Variants in KIF3C observed in about 807,000 individuals in gnomAD.
KIF3C encodes the protein kinesin-like protein KIF3C.
KIF3C carries 12 observed loss-of-function variants against 67.7 expected under a neutral mutation model. The ratio of observed to expected loss-of-function variants is 0.18; its 90% confidence interval spans 0.11 to 0.29. The LOEUF (loss-of-function observed/expected upper bound fraction) is 0.29, where lower values mean the gene tolerates loss of function less well. Among genes scored for constraint, KIF3C ranks in the 10% least tolerant of loss-of-function variants. The probability of loss-of-function intolerance (pLI) is 1.00; values close to 1 mark genes in which losing one functional copy is unlikely to be tolerated. For missense variants in KIF3C, 789 were observed against 1,059.6 expected, an observed-to-expected ratio of 0.74 and a Z score of 3.55; for synonymous variants, 393 against 426.2, an observed-to-expected ratio of 0.92 and a Z score of 0.96.
intron 5 of KIF3C, among the ~76,000 whole-genome samples, chr2:25,949,034 G>A (rs1663523005): frequency 6.6e-6 from 1 of 152,052 alleles, no homozygotes; most frequent in African/African-American, 2.4e-5. Context: ...AAAGGACATT[G>A]GCAAATTTTA....
At position 25,980,989 on chromosome 2, in the gene KIF3C, T is replaced by C. The variant is rs758486147; in HGVS notation, c.929A>G (p.Asn310Ser). The change falls in exon 1 of 8, where the codon AAC becomes AGC. Residue 310 changes from asparagine to serine, a missense_variant. Transcript: ENST00000264712. This position sits in a 1 kb window ranked among gnomAD's most constrained non-coding sequence, Gnocchi z 7.6. ...LGNVIAALAGNRSTHIPYRDS... is the reference protein window; with the variant it reads ...LGNVIAALAGSRSTHIPYRDS... ...CCGGTAGGGAATGTGGGTGCTCCTGTTGCCCGCCAGGGCAGCAATCACGTT... is the reference window on the plus strand; with the variant it reads ...CCGGTAGGGAATGTGGGTGCTCCTGCTGCCCGCCAGGGCAGCAATCACGTT... 1 of 1,614,196 alleles carries C rather than the reference T, an allele frequency of 6.2e-7. No individual in the cohort carries two copies. Among genetic ancestry groups the C allele is most frequent in the Non-Finnish European group, 8.5e-7 (1 of 1,180,020 alleles).
chr2:25,953,619 C>T (rs977135022), intron 4 of KIF3C, among the ~76,000 whole-genome samples: 1 of 150,934 alleles, frequency 6.6e-6, no homozygotes, highest in Non-Finnish European at 1.5e-5. Flanking sequence ...CTCAGCCTCC[C>T]AAAGTGCTGG....
chr2:25,954,990 C>T (rs924113880), intron 3 of KIF3C, among the ~76,000 whole-genome samples: 11 of 152,194 alleles, frequency 7.2e-5, no homozygotes, highest in Non-Finnish European at 1.5e-4. Context: ...TCACCCACCC[C>T]GAAGGGCCTC....
chr2:25,939,321 T>C (rs770587979), intron 5 of KIF3C, among the ~76,000 whole-genome samples: 8 of 152,178 alleles, frequency 5.3e-5, no homozygotes, highest in Non-Finnish European at 1.2e-4. Context: ...TGTTTCCTTC[T>C]AGTTCCTTCC....
chr2:25,953,676 T>G (rs968184051), intron 4 of KIF3C, among the ~76,000 whole-genome samples: 6 of 85,182 alleles, frequency 7.0e-5, no homozygotes, highest in Admixed American at 3.4e-4. Flanking sequence ...GTTTTTGTTT[T>G]TTTTTTTTTT....
At chr2:25,949,420 C>CAA (rs200179980) in intron 5 of KIF3C, among the ~76,000 whole-genome samples, 2 of 148,296 alleles carry the variant, frequency 1.3e-5, no homozygotes, top group Middle Eastern at 3.2e-3. Flanking sequence ...CAAAAAATAC[C>CAA]AAAAAAAAAG....
chr2:25,972,583 G>A (rs904624143), intron 1 of KIF3C, among the ~76,000 whole-genome samples: 1 of 152,156 alleles, frequency 6.6e-6, no homozygotes, highest in Non-Finnish European at 1.5e-5. Context: ...ACAGGACTCA[G>A]CTGATCACAC....
At chr2:25,938,346 A>G in intron 5 of KIF3C, 1 of 392,330 alleles carries the variant, frequency 2.5e-6, no homozygotes, top group Non-Finnish European at 5.0e-6. Context: ...CGACAGAGTG[A>G]GTCTGAGTCT....
At chr2:25,944,582 C>T (rs1663378307) in intron 5 of KIF3C, among the ~76,000 whole-genome samples, 4 of 151,978 alleles carry the variant, frequency 2.6e-5, no homozygotes, top group Admixed American at 2.6e-4. Flanking sequence ...AATGCCTAGG[C>T]TCAAGCCATC....
chr2:25,963,721 C>T (rs557060301), intron 1 of KIF3C, among the ~76,000 whole-genome samples: 1 of 149,598 alleles, frequency 6.7e-6, no homozygotes, highest in Admixed American at 6.7e-5. Flanking sequence ...GAGACAGAGT[C>T]TCACTTCGTT....
intron 5 of KIF3C, among the ~76,000 whole-genome samples, chr2:25,936,031 G>C (rs992818585): frequency 6.6e-6 from 1 of 151,416 alleles, no homozygotes; most frequent in Non-Finnish European, 1.5e-5. Flanking sequence ...AGGTTGTAGT[G>C]AGCCAACATC....
intron 1 of KIF3C, 45 bp from the exon 2 acceptor site, chr2:25,956,489 A>G: frequency 7.0e-7 from 1 of 1,435,952 alleles, no homozygotes; most frequent in East Asian, 2.3e-5. Context: ...CAAAGGGTCC[A>G]CAACATTGCT....
At chr2:25,971,271 C>CAA (rs35420433) in intron 1 of KIF3C, among the ~76,000 whole-genome samples, 17 of 59,174 alleles carry the variant, frequency 2.9e-4, no homozygotes, top group East Asian at 5.9e-4. Context: ...GACTCTGTCT[C>CAA]AAAAAAAAAA....
At chr2:25,952,961 C>T (rs1663663749) in intron 4 of KIF3C, among the ~76,000 whole-genome samples, 1 of 152,044 alleles carries the variant, frequency 6.6e-6, no homozygotes, top group Non-Finnish European at 1.5e-5. Flanking sequence ...GTTCACATTG[C>T]ACACCTGTAT....
chr2:25,931,140 T>G (rs1349548390), intron 5 of KIF3C, among the ~76,000 whole-genome samples: 1 of 152,162 alleles, frequency 6.6e-6, no homozygotes, highest in Non-Finnish European at 1.5e-5. Context: ...AGCTGCAGTT[T>G]CAGGCATCCA....
chr2:25,970,854 G>T (rs1025066233), intron 1 of KIF3C, among the ~76,000 whole-genome samples: 1 of 150,964 alleles, frequency 6.6e-6, no homozygotes, highest in South Asian at 2.1e-4. Flanking sequence ...GGCAGGGCAT[G>T]GTGGCTCATG....
At chr2:25,936,864 GAAAGA>G (rs1574479095) in intron 5 of KIF3C, among the ~76,000 whole-genome samples, 2 of 152,190 alleles carry the variant, frequency 1.3e-5, no homozygotes, top group Admixed American at 6.6e-5. Context: ...AAAAAGAAAG[GAAAGA>G]AAACAAGAAA....
At chr2:25,945,490 C>T (rs980359913) in intron 5 of KIF3C, among the ~76,000 whole-genome samples, 4 of 147,588 alleles carry the variant, frequency 2.7e-5, no homozygotes, top group Non-Finnish European at 5.9e-5. Flanking sequence ...TTGCTTGAAC[C>T]CAGGAGGCGG....
intron 5 of KIF3C, among the ~76,000 whole-genome samples, chr2:25,937,430 G>C (rs1029876640): frequency 6.6e-6 from 1 of 152,204 alleles, no homozygotes; most frequent in Non-Finnish European, 1.5e-5. Context: ...AGAAGCCCCA[G>C]CTGGGTCTGC....
Sources: gnomAD v4.1 joint callset for allele counts (sites outside exome capture counted in the v4.1 genomes callset) on GRCh38, gnomAD v4.1.1 for gene constraint, Gnocchi (gnomAD v3.1) non-coding constraint, MANE v1.5 for transcripts, NCBI Gene and HGNC (gene_info 2026-07-23, HGNC 2026-07-21) for gene names.